The following ATG10 variants were observed in gnomAD, a reference collection of about 807,000 sequenced individuals.
The protein encoded by ATG10 is ubiquitin-like-conjugating enzyme ATG10.
A neutral mutation model predicts 32.1 loss-of-function variants in ATG10; 30 were observed. The ratio of observed to expected loss-of-function variants is 0.94; its 90% CI spans 0.70 to 1.27. The LOEUF is 1.27. Ranked by LOEUF, ATG10 falls within the 50% of genes most tolerant of loss-of-function variation. The pLI is 0.00. For synonymous variants in ATG10, 87 were observed against 91.5 expected (o/e 0.95, Z 0.28); for missense variants, 233 against 262.3 (o/e 0.89, Z 0.77).
chr5:82,245,399 A>C (rs1291160424), intron 5 of ATG10, among the ~76,000 whole-genome samples: 1 of 152,238 alleles, frequency 6.6e-6, no homozygotes, highest in East Asian at 1.9e-4. Context: ...AATTACTTGT[A>C]AATTCTCTAC....
intron 3 of ATG10, among the ~76,000 whole-genome samples, chr5:82,095,129 T>G (rs940377241): frequency 2.0e-5 from 3 of 152,018 alleles, no homozygotes; most frequent in African/African-American, 7.2e-5. Context: ...AGAAAAGAAA[T>G]CTGTATATAG....
chr5:82,159,596 G>A, intron 3 of ATG10, among the ~76,000 whole-genome samples: 1 of 152,010 alleles, frequency 6.6e-6, no homozygotes, highest in Admixed American at 6.6e-5. Flanking sequence ...CCTTAAAGTA[G>A]ATAGAACAGT....
chr5:82,000,496 G>T (rs940154900), intron 2 of ATG10, among the ~76,000 whole-genome samples: 1 of 152,116 alleles, frequency 6.6e-6, no homozygotes, highest in Non-Finnish European at 1.5e-5. Flanking sequence ...GAAAGAAAGA[G>T]CATCCAGATA....
intron 3 of ATG10, among the ~76,000 whole-genome samples, chr5:82,096,959 A>G (rs1304492741): frequency 6.6e-6 from 1 of 152,142 alleles, no homozygotes; most frequent in African/African-American, 2.4e-5. Context: ...ATGTCTTCTC[A>G]GTTACCTCAA....
intron 3 of ATG10, among the ~76,000 whole-genome samples, chr5:82,062,814 TAAA>T (rs1331407631): frequency 2.0e-5 from 3 of 152,120 alleles, no homozygotes; most frequent in Non-Finnish European, 4.4e-5. Context: ...TGACTCTCAC[TAAA>T]AAACAGTGGT....
chr5:82,118,928 T>C (rs928974382), intron 3 of ATG10, among the ~76,000 whole-genome samples: 3 of 152,216 alleles, frequency 2.0e-5, no homozygotes, highest in African/African-American at 7.2e-5. Flanking sequence ...AGGAGAGAGT[T>C]CAAGGAGGGC....
chr5:82,037,734 T>C (rs951518916), intron 2 of ATG10, among the ~76,000 whole-genome samples: 1 of 152,146 alleles, frequency 6.6e-6, no homozygotes, highest in Non-Finnish European at 1.5e-5. Flanking sequence ...TGAGATTGAG[T>C]GTTGAATTCT....
chr5:82,050,977 C>G (rs1763399075), intron 2 of ATG10, among the ~76,000 whole-genome samples: 1 of 151,812 alleles, frequency 6.6e-6, no homozygotes, highest in South Asian at 2.1e-4. Flanking sequence ...TGCCACTGCT[C>G]TCTAACCTGG....
At chr5:82,083,422 A>G (rs368970803) in intron 3 of ATG10, among the ~76,000 whole-genome samples, 1 of 152,202 alleles carries the variant, frequency 6.6e-6, no homozygotes, top group East Asian at 1.9e-4. Flanking sequence ...TAGCTGAACA[A>G]AAGGTAGCAG....
intron 2 of ATG10, among the ~76,000 whole-genome samples, chr5:82,037,129 C>CA (rs1159037400): frequency 0.2 from 5,200 of 25,658 alleles, 1,328 homozygotes; most frequent in Non-Finnish European, 0.24. Context: ...GACTCTGTCT[C>CA]AAAAAAAAAA....
chr5:82,013,151 C>T (rs1456076810), intron 2 of ATG10, among the ~76,000 whole-genome samples: 3 of 152,096 alleles, frequency 2.0e-5, no homozygotes, highest in South Asian at 4.2e-4. Context: ...TTAGTAAAGA[C>T]GGGTTTTCAC....
chr5:82,127,008 C>A (rs1233476430), intron 3 of ATG10, among the ~76,000 whole-genome samples: 4 of 151,970 alleles, frequency 2.6e-5, no homozygotes, highest in Admixed American at 2.6e-4. Flanking sequence ...GTTTAGCCTT[C>A]AGAGAGTGTA....
chr5:82,158,289 A>C (rs886614155), intron 3 of ATG10, among the ~76,000 whole-genome samples: 4 of 152,170 alleles, frequency 2.6e-5, no homozygotes, highest in Non-Finnish European at 5.9e-5. Flanking sequence ...ATTTTGAGAA[A>C]AATCAATATA....
chr5:81,985,134 T>A (rs554050333), intron 1 of ATG10, among the ~76,000 whole-genome samples: 2 of 152,244 alleles, frequency 1.3e-5, no homozygotes, highest in Non-Finnish European at 2.9e-5. Context: ...GTTAAGTAAA[T>A]CTCAAGTAAC....
intron 5 of ATG10, among the ~76,000 whole-genome samples, chr5:82,184,781 A>G (rs1234039249): frequency 6.6e-6 from 1 of 152,158 alleles, no homozygotes; most frequent in African/African-American, 2.4e-5. Context: ...AAATATTTTC[A>G]TGGATTCCTA....
chr5:82,190,630 G>C (rs559017363), intron 5 of ATG10, among the ~76,000 whole-genome samples: 3 of 151,892 alleles, frequency 2.0e-5, no homozygotes, highest in African/African-American at 7.2e-5. Flanking sequence ...AATTAGCTGG[G>C]TGTGGTGGCG....
At chr5:81,997,584 G>A (rs1040938563) in intron 2 of ATG10, among the ~76,000 whole-genome samples, 1 of 152,160 alleles carries the variant, frequency 6.6e-6, no homozygotes, top group Non-Finnish European at 1.5e-5. Context: ...TAGGAATGAC[G>A]ATCATTGAGA....
At chr5:82,055,974 G>A (rs915327794) in intron 2 of ATG10, among the ~76,000 whole-genome samples, 2 of 152,116 alleles carry the variant, frequency 1.3e-5, no homozygotes, top group African/African-American at 2.4e-5. Flanking sequence ...TATAGCCTAC[G>A]TATGTAGGAG....
chr5:82,246,071 CTTT>C (rs11340753), intron 5 of ATG10, among the ~76,000 whole-genome samples: 20 of 125,116 alleles, frequency 1.6e-4, no homozygotes, highest in Non-Finnish European at 1.9e-4. Context: ...TAATACTGAC[CTTT>C]TTTTTTTTTT....
Sources: gnomAD v4.1 joint callset for allele counts (sites outside exome capture counted in the v4.1 genomes callset) on GRCh38, gnomAD v4.1.1 for gene constraint, MANE v1.5 for transcripts, NCBI Gene and HGNC (gene_info 2026-07-23, HGNC 2026-07-21) for gene names.